Variants in PALLD observed in about 807,000 individuals in gnomAD.
The protein encoded by PALLD is palladin, cytoskeletal associated protein, also known as palladin.
Under a neutral mutation model 123.5 loss-of-function variants are expected in PALLD, and 61 were observed. The ratio of observed to expected loss-of-function variants is 0.49; its 90% confidence interval spans 0.40 to 0.61. The LOEUF is 0.61. Among genes scored for constraint, PALLD ranks in the 20% least tolerant of loss-of-function variants. The probability of loss-of-function intolerance (pLI) is 0.00; values close to 1 mark genes in which losing one functional copy is unlikely to be tolerated. For missense variants in PALLD, 1,273 were observed against 1,377.0 expected (o/e 0.92, Z 1.20); for synonymous variants, 465 against 496.4 (o/e 0.94, Z 0.84).
At chr4:168,530,648 A>T (rs17541097) in intron 2 of PALLD, 13,107 of 152,264 alleles carry the variant, frequency 0.086, 820 homozygotes, top group Non-Finnish European at 0.12. Context: ...TTGAGTTCAC[A>T]TTTAGCAATT....
chr4:168,654,857 TAG>T (rs1778402423), intron 2 of PALLD: 1 of 152,176 alleles, frequency 6.6e-6, no homozygotes, highest in African/African-American at 2.4e-5. Context: ...AGGTGTTACT[TAG>T]AGAATTACCT....
At chr4:168,576,788 T>G (rs924986050) in intron 2 of PALLD, among the ~76,000 whole-genome samples, 6 of 152,154 alleles carry the variant, frequency 3.9e-5, no homozygotes, top group Non-Finnish European at 7.4e-5. Context: ...TTTCTAGTTC[T>G]AGATCCCTGA....
chr4:168,836,040 CTCAG>C (rs774544904), intron 10 of PALLD, among the ~76,000 whole-genome samples: 1 of 152,218 alleles, frequency 6.6e-6, no homozygotes, highest in African/African-American at 2.4e-5. Context: ...TTTCTTCCTG[CTCAG>C]TCAGTGTTAG....
intron 2 of PALLD, among the ~76,000 whole-genome samples, chr4:168,646,939 A>G (rs887676227): frequency 6.6e-6 from 1 of 152,222 alleles, no homozygotes; most frequent in Non-Finnish European, 1.5e-5. Flanking sequence ...CAATCCTCAA[A>G]ACTACCAACA....
At chr4:168,671,349 G>T (rs1272699445) in intron 3 of PALLD, among the ~76,000 whole-genome samples, 1 of 152,170 alleles carries the variant, frequency 6.6e-6, no homozygotes, top group East Asian at 1.9e-4. Context: ...TATCCCTCTA[G>T]TTCTATATGG....
At chr4:168,591,114 G>A (rs1347162592) in intron 2 of PALLD, among the ~76,000 whole-genome samples, 13 of 151,992 alleles carry the variant, frequency 8.6e-5, no homozygotes, top group Non-Finnish European at 1.9e-4. Flanking sequence ...CCTGACCTCA[G>A]GTGATCCACC....
rs923352111 is a variant in PALLD at position 168,690,679 on chromosome 4, A to T, written c.1412A>T (p.Gln471Leu). The change falls in exon 7 of 22, where the codon CAG becomes CTG. Residue 471 changes from glutamine (Q) to leucine (L), a missense_variant. Physicochemically the swap from Gln to Leu is moderately radical, Grantham distance 113. Transcript: ENST00000505667. ...CGGGTCCGTGGGGCACCCCCTCTGC[A>T]GGTCCAGTGGTTTCGGCAAGGGAGT... Reference protein sequence around the residue: ...ECRVRGAPPLQVQWFRQGSEI... With the variant: ...ECRVRGAPPLLVQWFRQGSEI... 2.5e-6 allele frequency: 4 copies of T among 1,614,088 alleles called. No homozygotes were observed. In the African/African-American group the frequency reaches 5.3e-5, roughly 22 times the overall value.
chr4:168,738,483 T>C (rs1787980011), intron 10 of PALLD, among the ~76,000 whole-genome samples: 1 of 151,656 alleles, frequency 6.6e-6, no homozygotes, highest in Admixed American at 6.6e-5. Context: ...CAGGCTGGAG[T>C]GCAGTGGTGA....
intron 2 of PALLD, among the ~76,000 whole-genome samples, chr4:168,633,921 A>G (rs1403411588): frequency 2.0e-5 from 3 of 152,236 alleles, no homozygotes; most frequent in East Asian, 1.9e-4. Context: ...CAAAGTCTGT[A>G]TACTTAGCTC....
At chr4:168,764,190 C>T (rs912140002) in intron 10 of PALLD, among the ~76,000 whole-genome samples, 3 of 151,680 alleles carry the variant, frequency 2.0e-5, no homozygotes, top group Admixed American at 6.6e-5. Flanking sequence ...TATTCAGAGA[C>T]GAATAAAATG....
At chr4:168,704,034 T>G (rs113686897) in intron 8 of PALLD, among the ~76,000 whole-genome samples, 16 of 152,082 alleles carry the variant, frequency 1.1e-4, no homozygotes, top group Non-Finnish European at 2.1e-4. Flanking sequence ...CCAAAACAGA[T>G]ATATGGATCA....
intron 9 of PALLD, among the ~76,000 whole-genome samples, 199 bp from the exon 10 acceptor site, chr4:168,711,382 T>A (rs573810541): frequency 6.6e-6 from 1 of 152,338 alleles, no homozygotes; most frequent in South Asian, 2.1e-4. Context: ...AATGAAACGG[T>A]AGCACTCGTT....
At chr4:168,670,030 G>A (rs961070346) in intron 3 of PALLD, among the ~76,000 whole-genome samples, 27 of 152,256 alleles carry the variant, frequency 1.8e-4, no homozygotes, top group African/African-American at 6.3e-4. Flanking sequence ...ATAAAAAGAT[G>A]TTTAAAATTT....
intron 3 of PALLD, among the ~76,000 whole-genome samples, chr4:168,676,980 C>T (rs547024297): frequency 3.3e-5 from 5 of 152,138 alleles, no homozygotes; most frequent in East Asian, 3.9e-4. Flanking sequence ...GGATCGTCGG[C>T]GTGTGATTCC....
At chr4:168,858,208 T>G (rs912743882) in intron 10 of PALLD, among the ~76,000 whole-genome samples, 1 of 152,238 alleles carries the variant, frequency 6.6e-6, no homozygotes, top group Non-Finnish European at 1.5e-5. Context: ...GAAAATGGGC[T>G]ATGAAGCATG....
intron 2 of PALLD, among the ~76,000 whole-genome samples, chr4:168,601,036 T>C (rs1196185007): frequency 6.6e-6 from 1 of 152,182 alleles, no homozygotes; most frequent in Non-Finnish European, 1.5e-5. Flanking sequence ...AATCAATGAT[T>C]TATTGCTATT....
chr4:168,658,700 T>A (rs2149963991), intron 2 of PALLD, among the ~76,000 whole-genome samples: 1 of 152,304 alleles, frequency 6.6e-6, no homozygotes, highest in Admixed American at 6.5e-5. Context: ...ATCATTTTTG[T>A]AGTTGAGTTT....
chr4:168,850,523 CTTTTTTTTTTT>C (rs767777801), intron 10 of PALLD, among the ~76,000 whole-genome samples: 1 of 34,692 alleles, frequency 2.9e-5, no homozygotes, highest in Non-Finnish European at 4.7e-5. Flanking sequence ...TCTGTCATTT[CTTTTTTTTTTT>C]TTTTTTTTTT....
intron 2 of PALLD, among the ~76,000 whole-genome samples, chr4:168,608,849 TA>T (rs1415967093): frequency 2.7e-4 from 35 of 129,032 alleles, no homozygotes; most frequent in African/African-American, 9.4e-4. Context: ...AAGCTATAAC[TA>T]TTTTTTTTTT....
Sources: allele counts gnomAD v4.1 joint callset (sites outside exome capture counted in the v4.1 genomes callset), GRCh38; gene constraint gnomAD v4.1.1; transcripts MANE v1.5; gene names NCBI Gene and HGNC (gene_info 2026-07-23, HGNC 2026-07-21).